Variants in CCDC169 observed in about 807,000 individuals in gnomAD.
The protein encoded by CCDC169 is coiled-coil domain-containing protein 169.
CCDC169 carries 30 observed loss-of-function variants against 36.0 expected under a neutral mutation model. The ratio of observed to expected loss-of-function variants is 0.83; its 90% CI spans 0.62 to 1.13. The LOEUF is 1.13. CCDC169 is among the 50% of genes most tolerant of loss of function. The pLI is 0.00. For missense variants in CCDC169, 245 were observed against 245.9 expected (o/e 1.00, Z 0.03); for synonymous variants, 85 against 81.5 (o/e 1.04, Z -0.23).
intron 4 of CCDC169, among the ~76,000 whole-genome samples, chr13:36,268,166 A>G (rs117106957): frequency 0.014 from 2,089 of 152,316 alleles, 27 homozygotes; most frequent in Non-Finnish European, 0.021. Flanking sequence ...ACTGCAGAGT[A>G]TACATTCTTC....
At chr13:36,283,798 T>C (rs1285763670) in intron 2 of CCDC169, 96 bp from the exon 3 acceptor site, 1 of 893,550 alleles carries the variant, frequency 1.1e-6, no homozygotes, top group Non-Finnish European at 1.7e-6. Context: ...TCTATTACTA[T>C]ATTTGACTTT....
chr13:36,234,617 G>C (rs944179966), intron 7 of CCDC169, among the ~76,000 whole-genome samples: 5 of 152,070 alleles, frequency 3.3e-5, no homozygotes, highest in Non-Finnish European at 7.4e-5. Context: ...TCTTCAATAG[G>C]AGTAACAACT....
At chr13:36,282,870 G>A (rs1424726573) in intron 4 of CCDC169, 3 of 152,484 alleles carry the variant, frequency 2.0e-5, no homozygotes, top group Admixed American at 6.5e-5. Context: ...TCTCCACAAG[G>A]GTGGTGATAC....
downstream of CCDC169, chr13:36,227,365 C>G (rs1463066315): frequency 6.5e-7 from 1 of 1,547,260 alleles, no homozygotes; most frequent in Admixed American, 2.0e-5. Flanking sequence ...GGGTCCAATT[C>G]TTCTTTTAAG....
intron 7 of CCDC169, among the ~76,000 whole-genome samples, chr13:36,248,270 C>G (rs1872732146): frequency 6.6e-6 from 1 of 152,064 alleles, no homozygotes; most frequent in African/African-American, 2.4e-5. Context: ...TGATCCGGAA[C>G]CAAACCCATA....
intron 7 of CCDC169, among the ~76,000 whole-genome samples, chr13:36,243,212 C>A (rs1872072630): frequency 6.6e-6 from 1 of 152,144 alleles, no homozygotes; most frequent in Admixed American, 6.6e-5. Flanking sequence ...CGCTAATAAA[C>A]TTCCTGGCCA....
chr13:36,225,683 A>G (rs1382435459), downstream of CCDC169: 1 of 152,198 alleles, frequency 6.6e-6, no homozygotes, highest in East Asian at 1.9e-4. Context: ...ATATCCATGA[A>G]CTATGCATCT....
chr13:36,251,201 G>A (rs935606086), intron 6 of CCDC169, among the ~76,000 whole-genome samples: 1 of 152,188 alleles, frequency 6.6e-6, no homozygotes, highest in Admixed American at 6.5e-5. Context: ...GCAGCAGAAG[G>A]ATAAACAGCA....
intron 4 of CCDC169, among the ~76,000 whole-genome samples, chr13:36,267,641 C>T (rs991719570): frequency 5.9e-5 from 9 of 152,130 alleles, no homozygotes; most frequent in Non-Finnish European, 2.9e-5. Context: ...GGTCTAAATG[C>T]TCTGCTTAAA....
intron 7 of CCDC169, among the ~76,000 whole-genome samples, chr13:36,237,519 A>G (rs1871238838): frequency 6.6e-6 from 1 of 152,174 alleles, no homozygotes; most frequent in African/African-American, 2.4e-5. Flanking sequence ...ATAATAGTGA[A>G]GAGGTGTAAA....
intron 7 of CCDC169, among the ~76,000 whole-genome samples, chr13:36,243,921 G>A (rs1054617309): frequency 6.6e-6 from 1 of 152,144 alleles, no homozygotes; most frequent in Non-Finnish European, 1.5e-5. Flanking sequence ...AACTGCCCTC[G>A]TAGACCTACA....
chr13:36,268,624 G>T (rs1332500976), intron 4 of CCDC169, among the ~76,000 whole-genome samples: 1 of 151,006 alleles, frequency 6.6e-6, no homozygotes, highest in African/African-American at 2.4e-5. Flanking sequence ...AACAAGATCA[G>T]AGTAGAACTA....
At chr13:36,277,949 A>G (rs80184384) in intron 4 of CCDC169, among the ~76,000 whole-genome samples, 1 of 151,836 alleles carries the variant, frequency 6.6e-6, no homozygotes, top group African/African-American at 2.4e-5. Flanking sequence ...CGTCTCAAAA[A>G]AAAAAAAAAA....
At chr13:36,255,207 A>C (rs961051028) in intron 4 of CCDC169, among the ~76,000 whole-genome samples, 1 of 152,188 alleles carries the variant, frequency 6.6e-6, no homozygotes, top group Admixed American at 6.5e-5. Flanking sequence ...TCAAGTTTTC[A>C]TGCACCTTGT....
At chr13:36,296,927 G>A (rs190333583) in intron 1 of CCDC169, among the ~76,000 whole-genome samples, 352 of 152,312 alleles carry the variant, frequency 2.3e-3, no homozygotes, top group Non-Finnish European at 3.5e-3. Context: ...GTTTTTGCAG[G>A]ACTGTCCTCA....
intron 2 of CCDC169, among the ~76,000 whole-genome samples, chr13:36,285,614 G>GATAGATAGCTAGATAGATAGATAGATAC (rs568184993): frequency 1.2e-4 from 16 of 138,180 alleles, no homozygotes; most frequent in Non-Finnish European, 1.6e-4. Context: ...TAGATAGATA[G>GATAGATAGCTAGATAGATAGATAGATAC]ATAGATACAT....
chr13:36,296,389 G>A (rs547847281), intron 1 of CCDC169, among the ~76,000 whole-genome samples: 2 of 152,292 alleles, frequency 1.3e-5, no homozygotes, highest in East Asian at 1.9e-4. Context: ...CACCAGGCCC[G>A]GCCCTTGGAA....
intron 7 of CCDC169, among the ~76,000 whole-genome samples, chr13:36,239,350 T>C (rs1382463745): frequency 1.3e-5 from 2 of 152,136 alleles, no homozygotes; most frequent in African/African-American, 2.4e-5. Context: ...TATGTGGGTA[T>C]AGGGATCACA....
intron 7 of CCDC169, among the ~76,000 whole-genome samples, chr13:36,238,133 G>A (rs909439800): frequency 6.6e-6 from 1 of 152,188 alleles, no homozygotes; most frequent in Admixed American, 6.5e-5. Context: ...GTGGAAGGGG[G>A]TTTGGGAACT....
Sources: allele counts gnomAD v4.1 joint callset (sites outside exome capture counted in the v4.1 genomes callset), GRCh38; gene constraint gnomAD v4.1.1; transcripts MANE v1.5; gene names NCBI Gene and HGNC (gene_info 2026-07-23, HGNC 2026-07-21).